SH3GL2: variants seen among roughly 807,000 people sequenced by gnomAD.
SH3GL2 encodes endophilin-A1.
In SH3GL2, 24 loss-of-function variants were observed where a neutral mutation model predicts 46.0. The ratio of observed to expected loss-of-function variants is 0.52; its 90% CI spans 0.38 to 0.73. The LOEUF (loss-of-function observed/expected upper bound fraction) is 0.73, where lower values mean the gene tolerates loss of function less well. Among genes scored for constraint, SH3GL2 ranks in the 30% least tolerant of loss-of-function variants. SH3GL2 has a pLI of 0.00. For missense variants in SH3GL2, 413 were observed against 424.2 expected (o/e 0.97, Z 0.23); for synonymous variants, 196 against 147.1 (o/e 1.33, Z -2.40).
chr9:17,725,558 G>A (rs1241056403), intron 1 of SH3GL2, among the ~76,000 whole-genome samples: 2 of 152,128 alleles, frequency 1.3e-5, no homozygotes, highest in Admixed American at 1.3e-4. Context: ...TGTCCTCAGG[G>A]CATGCCATTT....
chr9:17,647,625 C>T (rs954992961), intron 1 of SH3GL2, among the ~76,000 whole-genome samples: 2 of 152,052 alleles, frequency 1.3e-5, no homozygotes, highest in African/African-American at 4.8e-5. Flanking sequence ...TACTGTAAAA[C>T]ACTTGGTACC....
chr9:17,736,303 TCAGA>T (rs1272140573), intron 1 of SH3GL2, among the ~76,000 whole-genome samples: 1 of 152,140 alleles, frequency 6.6e-6, no homozygotes, highest in African/African-American at 2.4e-5. Context: ...ATTTTATACC[TCAGA>T]CAGGAATCCA....
rs954985864 is a variant in SH3GL2 at position 17,667,405 on chromosome 9, A to G, written c.46-79661A>G. Among the ~76,000 whole-genome samples, 10 of 152,044 alleles carry G rather than the reference A, an allele frequency of 6.6e-5. No homozygotes were observed. In the East Asian group the frequency reaches 9.6e-4, roughly 15 times the overall value. On this transcript the variant is annotated intron_variant, in intron 1 of 8. Transcript: ENST00000380607. ...CCACAAATCCCCTGACAGTCACCAT[A>G]CTTTCAGTCTCTAGGGATTTGACTA...
At chr9:17,793,202 C>G (rs1563857118) in intron 7 of SH3GL2, among the ~76,000 whole-genome samples, 165 bp from the exon 8 acceptor site, 1 of 152,234 alleles carries the variant, frequency 6.6e-6, no homozygotes, top group Non-Finnish European at 1.5e-5. Flanking sequence ...ACCAAAATCT[C>G]AGACATATAC....
intron 1 of SH3GL2, among the ~76,000 whole-genome samples, chr9:17,738,417 G>T (rs866683867): frequency 7.1e-6 from 1 of 141,690 alleles, no homozygotes; most frequent in African/African-American, 2.5e-5. Flanking sequence ...AGAAATTGTA[G>T]CAGTTAGGGT....
At position 17,607,797 on chromosome 9, in the gene SH3GL2, G is replaced by A. The variant is rs73641996; in HGVS notation, c.45+28510G>A. 1.8e-3 allele frequency among the ~76,000 whole-genome samples: 276 copies of A among 152,182 alleles called. 1 individual carries two copies. Among genetic ancestry groups the A allele is most frequent in the African/African-American group, 6.3e-3 (260 of 41,518 alleles). On this transcript the variant is annotated intron_variant, in intron 1 of 8. Coordinates refer to ENST00000380607, the MANE Select transcript of SH3GL2 (RefSeq NM_003026.5). ...TTTTTGATTGTGTTTTGTTTCATCC[G>A]TAGCAGAATTGCCTAGATTGAAATG...
intron 1 of SH3GL2, among the ~76,000 whole-genome samples, chr9:17,649,972 T>C (rs1819916483): frequency 6.6e-6 from 1 of 152,190 alleles, no homozygotes; most frequent in Non-Finnish European, 1.5e-5. Flanking sequence ...AACTTTAAAT[T>C]GATTAATCTA....
chr9:17,793,514 C>A lies in SH3GL2; in HGVS notation c.859+17C>A. ...AACCTTCAGGTAAGAGCTGAAACTG[C>A]AGATCCTATTGCATAGCCCTTGGCA... is the stretch of plus-strand genomic sequence containing the variant. On this transcript the variant is annotated intron_variant, in intron 8 of 8. Coordinates refer to ENST00000380607, the MANE Select transcript of SH3GL2 (RefSeq NM_003026.5). 1.2e-6 allele frequency: 2 copies of A among 1,612,196 alleles called. No individual in the cohort carries two copies. Among genetic ancestry groups the A allele is most frequent in the Admixed American group, 1.7e-5 (1 of 59,690 alleles).
At chr9:17,700,398 C>T (rs1390488751) in intron 1 of SH3GL2, among the ~76,000 whole-genome samples, 1 of 152,146 alleles carries the variant, frequency 6.6e-6, no homozygotes, top group African/African-American at 2.4e-5. Context: ...CTAAAACTTC[C>T]TAAAGCAATA....
intron 1 of SH3GL2, among the ~76,000 whole-genome samples, chr9:17,607,309 C>T (rs1818778959): frequency 1.3e-5 from 2 of 152,062 alleles, no homozygotes; most frequent in South Asian, 4.2e-4. Context: ...AATTATAACA[C>T]CATCATAGCA....
intron 1 of SH3GL2, among the ~76,000 whole-genome samples, chr9:17,631,290 G>A (rs573709612): frequency 6.6e-6 from 1 of 152,260 alleles, no homozygotes; most frequent in East Asian, 1.9e-4. Context: ...GAGGAGAGTC[G>A]GTTTTGAAGG....
chr9:17,764,154 T>C (rs970134207), intron 3 of SH3GL2, among the ~76,000 whole-genome samples: 2 of 152,202 alleles, frequency 1.3e-5, no homozygotes, highest in African/African-American at 4.8e-5. Context: ...CAATTCGAGG[T>C]TGGTTTCAGA....
intron 1 of SH3GL2, among the ~76,000 whole-genome samples, chr9:17,662,409 C>G (rs1376702717): frequency 6.6e-6 from 1 of 152,140 alleles, no homozygotes; most frequent in Non-Finnish European, 1.5e-5. Context: ...CTATGATTTC[C>G]CATGAATTCA....
chr9:17,697,982 C>T (rs909595920), intron 1 of SH3GL2, among the ~76,000 whole-genome samples: 47 of 152,198 alleles, frequency 3.1e-4, no homozygotes, highest in South Asian at 2.1e-4. Context: ...TTCTGCGTTC[C>T]GTTTGTCTGT....
At chr9:17,726,427 T>A (rs192557182) in intron 1 of SH3GL2, among the ~76,000 whole-genome samples, 9 of 152,298 alleles carry the variant, frequency 5.9e-5, no homozygotes, top group African/African-American at 2.2e-4. Context: ...AAGTGATGTG[T>A]TGATTTTTAT....
chr9:17,689,452 A>G (rs990738575), intron 1 of SH3GL2, among the ~76,000 whole-genome samples: 2 of 152,116 alleles, frequency 1.3e-5, no homozygotes, highest in African/African-American at 2.4e-5. Context: ...CAAATATGCC[A>G]TATTAATGTA....
At chr9:17,781,675 G>A (rs1823813923) in intron 3 of SH3GL2, among the ~76,000 whole-genome samples, 1 of 152,088 alleles carries the variant, frequency 6.6e-6, no homozygotes, top group Non-Finnish European at 1.5e-5. Context: ...CCTCCTACCA[G>A]CAGTATTTGA....
chr9:17,733,390 A>G (rs1185729256), intron 1 of SH3GL2, among the ~76,000 whole-genome samples: 2 of 151,980 alleles, frequency 1.3e-5, no homozygotes, highest in Admixed American at 6.6e-5. Flanking sequence ...CTTGTCATCT[A>G]GCATTAGGTA....
At chr9:17,615,862 C>CAGCTCT (rs753842099) in intron 1 of SH3GL2, among the ~76,000 whole-genome samples, 2 of 152,032 alleles carry the variant, frequency 1.3e-5, no homozygotes, top group Non-Finnish European at 2.9e-5. Context: ...TCATTTTAAT[C>CAGCTCT]AGCTGATTAA....
Sources: allele counts gnomAD v4.1 joint callset (sites outside exome capture counted in the v4.1 genomes callset), GRCh38; gene constraint gnomAD v4.1.1; transcripts MANE v1.5; gene names NCBI Gene and HGNC (gene_info 2026-07-23, HGNC 2026-07-21).